CDH4: variants seen among roughly 807,000 people sequenced by gnomAD.
CDH4 encodes the protein cadherin 4, also known as cadherin-4.
A neutral mutation model predicts 86.0 loss-of-function variants in CDH4; 33 were observed. That is an observed-to-expected ratio of 0.38 (90% CI 0.29 to 0.51). The LOEUF (loss-of-function observed/expected upper bound fraction) is 0.51, where lower values mean the gene tolerates loss of function less well. Ranked by LOEUF, CDH4 falls within the 20% of genes least tolerant of loss-of-function variation. The probability of loss-of-function intolerance (pLI) is 0.86; values close to 1 mark genes in which losing one functional copy is unlikely to be tolerated. For missense variants in CDH4, 1,114 were observed against 1,307.4 expected, an observed-to-expected ratio of 0.85 and a Z score of 2.28; for synonymous variants, 555 against 549.4, an observed-to-expected ratio of 1.01 and a Z score of -0.14.
intron 2 of CDH4, among the ~76,000 whole-genome samples, chr20:61,340,521 A>G (rs1015158056): frequency 2.0e-5 from 3 of 152,206 alleles, no homozygotes; most frequent in African/African-American, 7.2e-5. Context: ...GCATCATGAC[A>G]TAATTGCTGG....
chr20:61,628,907 G>T (rs1254007387), intron 2 of CDH4, among the ~76,000 whole-genome samples: 1 of 152,252 alleles, frequency 6.6e-6, no homozygotes, highest in South Asian at 2.1e-4. Flanking sequence ...GGGTAGGATG[G>T]TGTCTCACTT....
intron 2 of CDH4, among the ~76,000 whole-genome samples, chr20:61,725,762 G>C (rs2088103249): frequency 6.6e-6 from 1 of 152,046 alleles, no homozygotes; most frequent in African/African-American, 2.4e-5. Flanking sequence ...AGGTGAGGGA[G>C]GGGAAGGCGA....
intron 2 of CDH4, among the ~76,000 whole-genome samples, chr20:61,550,156 CCCT>C (rs1281607008): frequency 3.4e-5 from 5 of 148,670 alleles, no homozygotes; most frequent in African/African-American, 1.2e-4. Context: ...TCCATGGCCT[CCCT>C]GCCCCAACCT....
chr20:61,929,256 G>A (rs2055079303), intron 12 of CDH4, among the ~76,000 whole-genome samples: 1 of 151,796 alleles, frequency 6.6e-6, no homozygotes, highest in Non-Finnish European at 1.5e-5. Context: ...TCCCACCTCA[G>A]GCTCCCAAGT....
At chr20:61,540,799 T>C (rs2086034127) in intron 2 of CDH4, among the ~76,000 whole-genome samples, 1 of 152,124 alleles carries the variant, frequency 6.6e-6, no homozygotes, top group Non-Finnish European at 1.5e-5. Flanking sequence ...CAGGAATTTT[T>C]CCTCTTTCTG....
rs1673030922 is a variant in CDH4 at position 61,879,560 on chromosome 20, T to C, written c.1050+5660T>C. 6.6e-6 allele frequency among the ~76,000 whole-genome samples: 1 copy of C among 152,188 alleles called. No individual in the cohort carries two copies. The highest frequency in any genetic ancestry group is 2.1e-4 in the South Asian group (1 of 4,836). ...CAGAGCTATGTAAATTGAGCGCTTC[T>C]ACTTGATTAAGATGTCAGGAGAGGC... On this transcript the variant is annotated intron_variant, in intron 7 of 15. Coordinates refer to ENST00000614565, the MANE Select transcript of CDH4 (RefSeq NM_001794.5). This position sits in a 1 kb window ranked among gnomAD's most constrained non-coding sequence, Gnocchi z 4.1.
In CDH4 at chr20:61,928,200, G is replaced by A. The variant is rs767997015; in HGVS notation, c.1782G>A (p.Pro594=). The change falls in exon 12 of 16, where the codon CCG becomes CCA. Residue 594 remains proline, a synonymous_variant. Coordinates refer to ENST00000614565, the MANE Select transcript of CDH4 (RefSeq NM_001794.5). ...GTGTCTGTTCCACAGGGATACCCCC[G>A]GCCAGCGGCACCGGGACCCTCCAGA... ...TFLAADNGIP[P]ASGTGTLQIY... The A allele has an allele frequency of 9.4e-6, 15 of 1,600,568 alleles. No individual in the cohort carries two copies. Among genetic ancestry groups the A allele is most frequent in the African/African-American group, 2.7e-5 (2 of 74,914 alleles).
At chr20:61,881,219 A>T (rs1375340386) in intron 7 of CDH4, among the ~76,000 whole-genome samples, 4 of 152,208 alleles carry the variant, frequency 2.6e-5, no homozygotes. Context: ...GCCCCTGAGC[A>T]GTTCTCCCAC....
chr20:61,846,940 T>C (rs563658197), intron 5 of CDH4, among the ~76,000 whole-genome samples: 5 of 152,256 alleles, frequency 3.3e-5, no homozygotes, highest in Middle Eastern at 3.4e-3. Flanking sequence ...GGCCGGGGCA[T>C]CTGAGGGGCA....
chr20:61,619,857 C>T (rs910500716), intron 2 of CDH4, among the ~76,000 whole-genome samples: 5 of 152,314 alleles, frequency 3.3e-5, no homozygotes, highest in South Asian at 2.1e-4. Context: ...GGGAAGTTGC[C>T]GTAGGGCCTC....
At chr20:61,523,356 A>G (rs1425200106) in intron 2 of CDH4, among the ~76,000 whole-genome samples, 1 of 152,240 alleles carries the variant, frequency 6.6e-6, no homozygotes, top group Non-Finnish European at 1.5e-5. Context: ...TCAGGTGACC[A>G]TGCGTTTGCC....
intron 4 of CDH4, among the ~76,000 whole-genome samples, chr20:61,822,998 G>T (rs952541641): frequency 2.0e-5 from 3 of 152,236 alleles, no homozygotes; most frequent in South Asian, 2.1e-4. Flanking sequence ...GGGAGAAGGA[G>T]ATTCCATTTA....
intron 2 of CDH4, among the ~76,000 whole-genome samples, chr20:61,739,980 G>A (rs1304673877): frequency 1.3e-5 from 2 of 152,218 alleles, no homozygotes; most frequent in African/African-American, 4.8e-5. Flanking sequence ...CTCAGTGCAT[G>A]CCGACACCCA....
At chr20:61,356,539 G>T (rs746507260) in intron 2 of CDH4, among the ~76,000 whole-genome samples, 10 of 152,226 alleles carry the variant, frequency 6.6e-5, no homozygotes, top group Non-Finnish European at 1.3e-4. Flanking sequence ...AGGCAACAAA[G>T]AGTAAAAGCC....
intron 2 of CDH4, chr20:61,718,771 GCA>G (rs200206826): frequency 2.0e-4 from 96 of 470,286 alleles, no homozygotes; most frequent in African/African-American, 1.8e-3. Context: ...CTACACCCCT[GCA>G]CACACACACT....
chr20:61,535,062 G>T (rs552656910), intron 2 of CDH4, among the ~76,000 whole-genome samples: 67 of 152,320 alleles, frequency 4.4e-4, no homozygotes, highest in African/African-American at 1.6e-3. Context: ...TCATGTGGAG[G>T]TTCTGTCCTT....
intron 6 of CDH4, among the ~76,000 whole-genome samples, chr20:61,853,830 G>A (rs974687652): frequency 6.6e-6 from 1 of 152,214 alleles, no homozygotes; most frequent in African/African-American, 2.4e-5. Flanking sequence ...TGCATGGGGG[G>A]TGGAGAGGGG....
At chr20:61,895,189 G>A (rs1985048705) in intron 8 of CDH4, 142 bp downstream of exon 8, 1 of 1,021,352 alleles carries the variant, frequency 9.8e-7, no homozygotes, top group Admixed American at 2.3e-5. Context: ...CTGGGCAGCG[G>A]AGGCTGCTGT....
rs148845363 is a variant in CDH4 at position 61,713,139 on chromosome 20, G to A, written c.170-30424G>A. On this transcript the variant is annotated intron_variant, in intron 2 of 15. Coordinates refer to ENST00000614565, the MANE Select transcript of CDH4 (RefSeq NM_001794.5). ...ATCCCTCCTCTCTCTGGGCAGATGT[G>A]CAAAATATGCAAAAATAAGTAAAGA... Among the ~76,000 whole-genome samples, 560 of 152,228 alleles carry A rather than the reference G, an allele frequency of 3.7e-3. 4 individuals are homozygous for A. The highest frequency in any genetic ancestry group is 4.4e-3 in the Non-Finnish European group (298 of 68,024).
Sources: allele counts gnomAD v4.1 joint callset (sites outside exome capture counted in the v4.1 genomes callset), GRCh38; gene constraint gnomAD v4.1.1; non-coding constraint Gnocchi (gnomAD v3.1); transcripts MANE v1.5; gene names NCBI Gene and HGNC (gene_info 2026-07-23, HGNC 2026-07-21).